The following ROBO2 variants were observed in gnomAD, a reference collection of about 807,000 sequenced individuals.
ROBO2 encodes the protein roundabout guidance receptor 2.
Under a neutral mutation model 160.8 loss-of-function variants are expected in ROBO2, and 53 were observed. That is an observed-to-expected ratio of 0.33 (90% CI 0.26 to 0.41). The LOEUF (loss-of-function observed/expected upper bound fraction) is 0.41. ROBO2 is among the 10% of genes least tolerant of loss of function. ROBO2 has a pLI of 1.00. For missense variants in ROBO2, 1,577 were observed against 1,722.4 expected (o/e 0.92, Z 1.49); for synonymous variants, 664 against 611.7 (o/e 1.09, Z -1.26).
chr3:76,702,872 T>C (rs573113617), intron 2 of ROBO2, among the ~76,000 whole-genome samples: 1 of 152,158 alleles, frequency 6.6e-6, no homozygotes, highest in Non-Finnish European at 1.5e-5. Context: ...GTTACTGCTA[T>C]TGAAACGCTA....
At chr3:76,150,730 A>G (rs928363291) in intron 2 of ROBO2, among the ~76,000 whole-genome samples, 32 of 152,104 alleles carry the variant, frequency 2.1e-4, no homozygotes, top group Non-Finnish European at 4.6e-4. Flanking sequence ...TCACACTCTG[A>G]TCTTTTTCCA....
At chr3:76,554,658 A>G (rs896093143) in intron 2 of ROBO2, among the ~76,000 whole-genome samples, 3 of 152,028 alleles carry the variant, frequency 2.0e-5, no homozygotes, top group African/African-American at 7.2e-5. Flanking sequence ...TCCATCATCT[A>G]GTATTCACCT....
chr3:76,918,293 C>T (rs2076449908), intron 2 of ROBO2, among the ~76,000 whole-genome samples: 1 of 152,062 alleles, frequency 6.6e-6, no homozygotes, highest in South Asian at 2.1e-4. Context: ...GTTTTATAAG[C>T]CTCTGGCATT....
intron 2 of ROBO2, among the ~76,000 whole-genome samples, chr3:77,296,664 T>G (rs1335839363): frequency 6.6e-6 from 1 of 152,104 alleles, no homozygotes; most frequent in Non-Finnish European, 1.5e-5. Context: ...TTGAGAACAA[T>G]TGCTCAGAAT....
At chr3:76,473,041 A>G (rs113809096) in intron 2 of ROBO2, among the ~76,000 whole-genome samples, 6,451 of 152,274 alleles carry the variant, frequency 0.042, 417 homozygotes, top group African/African-American at 0.14. Context: ...ACGGCTCCAT[A>G]AGGCTTCATA....
intron 2 of ROBO2, among the ~76,000 whole-genome samples, chr3:76,661,807 G>A (rs1392831360): frequency 1.3e-5 from 2 of 152,164 alleles, no homozygotes; most frequent in African/African-American, 4.8e-5. Context: ...GTTAGACTCT[G>A]CTGAAAAGAC....
At chr3:76,101,576 T>C (rs905840206) in intron 2 of ROBO2, among the ~76,000 whole-genome samples, 3 of 152,066 alleles carry the variant, frequency 2.0e-5, no homozygotes, top group Non-Finnish European at 4.4e-5. Flanking sequence ...ACTTGAAGTT[T>C]TGGGGTACAT....
At chr3:76,823,868 A>G (rs1169416702) in intron 2 of ROBO2, among the ~76,000 whole-genome samples, 1 of 152,204 alleles carries the variant, frequency 6.6e-6, no homozygotes, top group Non-Finnish European at 1.5e-5. Context: ...AAAAAGAATA[A>G]TAGTGACTTT....
chr3:76,988,083 T>C (rs1345232185), intron 2 of ROBO2, among the ~76,000 whole-genome samples: 1 of 152,206 alleles, frequency 6.6e-6, no homozygotes, highest in African/African-American at 2.4e-5. Context: ...TAAAATATTA[T>C]GCAACCAATT....
intron 6 of ROBO2, among the ~76,000 whole-genome samples, chr3:77,528,189 T>G (rs1407605405): frequency 6.6e-6 from 1 of 151,710 alleles, no homozygotes; most frequent in Non-Finnish European, 1.5e-5. Flanking sequence ...TAACTATGTT[T>G]AAATAAATTT....
At chr3:75,955,782 G>A (rs1948703003) in intron 2 of ROBO2, among the ~76,000 whole-genome samples, 1 of 151,654 alleles carries the variant, frequency 6.6e-6, no homozygotes, top group South Asian at 2.1e-4. Flanking sequence ...TGGTGTGGGA[G>A]ATATGTTTAT....
At chr3:77,595,075 T>C in intron 17 of ROBO2, 67 bp from the exon 19 acceptor site, 1 of 1,249,636 alleles carries the variant, frequency 8.0e-7, no homozygotes, top group Non-Finnish European at 1.2e-6. Context: ...AATATGTAGT[T>C]GTTATTAATT....
At chr3:77,243,793 C>T (rs2089361780) in intron 2 of ROBO2, among the ~76,000 whole-genome samples, 1 of 152,150 alleles carries the variant, frequency 6.6e-6, no homozygotes, top group African/African-American at 2.4e-5. Flanking sequence ...GAATGTTTAA[C>T]ATTAAATAAT....
upstream of ROBO2, among the ~76,000 whole-genome samples, chr3:77,035,582 A>G (rs1179593228): frequency 6.6e-6 from 1 of 151,962 alleles, no homozygotes; most frequent in Non-Finnish European, 1.5e-5. Context: ...ACTTCATGTA[A>G]TATACCAAAA....
chr3:77,461,843 G>A (rs556733424), intron 2 of ROBO2, among the ~76,000 whole-genome samples: 13 of 151,266 alleles, frequency 8.6e-5, no homozygotes, highest in East Asian at 2.0e-4. Flanking sequence ...TTCTCCTGCC[G>A]CAGCCTCCCA....
intron 4 of ROBO2, among the ~76,000 whole-genome samples, chr3:77,484,619 T>C (rs561325916): frequency 3.9e-5 from 6 of 152,092 alleles, no homozygotes; most frequent in African/African-American, 1.4e-4. Flanking sequence ...AATATGTGCT[T>C]AATCTGCTAT....
intron 2 of ROBO2, among the ~76,000 whole-genome samples, chr3:76,474,157 T>C (rs1021855736): frequency 5.3e-5 from 8 of 152,156 alleles, no homozygotes; most frequent in Non-Finnish European, 1.2e-4. Flanking sequence ...TGTAAGTGTA[T>C]GTTATCTTAA....
chr3:76,329,073 G>A (rs1212204041), intron 2 of ROBO2, among the ~76,000 whole-genome samples: 3 of 152,032 alleles, frequency 2.0e-5, no homozygotes, highest in African/African-American at 4.8e-5. Flanking sequence ...GGATCAGAGG[G>A]AGTCGGTGGA....
At chr3:76,216,134 C>A (rs1295256639) in intron 2 of ROBO2, among the ~76,000 whole-genome samples, 1 of 152,174 alleles carries the variant, frequency 6.6e-6, no homozygotes, top group Admixed American at 6.5e-5. Context: ...ACCACCAGGC[C>A]TGCCCTAAAA....
Sources: allele counts gnomAD v4.1 joint callset (sites outside exome capture counted in the v4.1 genomes callset), GRCh38; gene constraint gnomAD v4.1.1; transcripts MANE v1.5; gene names NCBI Gene and HGNC (gene_info 2026-07-23, HGNC 2026-07-21).